The following CDK14 variants were observed in gnomAD, a reference collection of about 807,000 sequenced individuals.
CDK14 encodes the protein cyclin dependent kinase 14.
In CDK14, 34 loss-of-function variants were observed where a neutral mutation model predicts 60.7. The ratio of observed to expected loss-of-function variants is 0.56; its 90% CI spans 0.43 to 0.75. The LOEUF is 0.75. CDK14 is among the 30% of genes least tolerant of loss of function. CDK14 has a pLI of 0.00. For synonymous variants in CDK14, 197 were observed against 203.7 expected (o/e 0.97, Z 0.28); for missense variants, 482 against 564.1 (o/e 0.85, Z 1.47).
intron 4 of CDK14, among the ~76,000 whole-genome samples, chr7:90,761,853 T>C (rs1316405589): frequency 6.6e-6 from 1 of 152,190 alleles, no homozygotes; most frequent in African/African-American, 2.4e-5. Context: ...GTAGTAACTC[T>C]CTACTGTGTT....
chr7:90,932,263 G>T (rs1012554151), intron 8 of CDK14, among the ~76,000 whole-genome samples: 4 of 152,154 alleles, frequency 2.6e-5, no homozygotes, highest in African/African-American at 9.7e-5. Context: ...CTAGCACTTT[G>T]GGAGGCTGAC....
At chr7:90,761,919 T>A (rs1286291897) in intron 4 of CDK14, among the ~76,000 whole-genome samples, 1 of 152,118 alleles carries the variant, frequency 6.6e-6, no homozygotes, top group African/African-American at 2.4e-5. Flanking sequence ...AATTGACAGG[T>A]CCCCTGTTTT....
chr7:90,866,189 A>G (rs7781591), intron 6 of CDK14, among the ~76,000 whole-genome samples: 146,639 of 151,140 alleles, frequency 0.97, 71,151 homozygotes, highest in East Asian at 1. Context: ...TAGTATTGTC[A>G]CATATATGCC....
At chr7:91,108,654 C>T (rs879428) in intron 12 of CDK14, among the ~76,000 whole-genome samples, 11,367 of 152,148 alleles carry the variant, frequency 0.075, 836 homozygotes, top group African/African-American at 0.18. Context: ...AAACAGTGTA[C>T]GTCAGATTTG....
At chr7:90,749,529 C>T (rs1294523663) in intron 4 of CDK14, among the ~76,000 whole-genome samples, 1 of 144,884 alleles carries the variant, frequency 6.9e-6, no homozygotes, top group Non-Finnish European at 1.5e-5. Context: ...TAGGCCTCTG[C>T]TCCACACCCA....
chr7:90,904,440 A>G (rs1792626564), intron 7 of CDK14, among the ~76,000 whole-genome samples: 1 of 152,178 alleles, frequency 6.6e-6, no homozygotes, highest in African/African-American at 2.4e-5. Flanking sequence ...ATGTGGTATT[A>G]TTTTTGAGAA....
intron 2 of CDK14, among the ~76,000 whole-genome samples, chr7:90,707,966 G>A (rs898170177): frequency 6.6e-6 from 1 of 152,144 alleles, no homozygotes; most frequent in Non-Finnish European, 1.5e-5. Context: ...TTTGCTGAAT[G>A]AATAGATGAA....
chr7:90,834,304 C>A (rs75579919), intron 5 of CDK14, among the ~76,000 whole-genome samples: 1 of 152,138 alleles, frequency 6.6e-6, no homozygotes, highest in South Asian at 2.1e-4. Flanking sequence ...AGAACAAAGC[C>A]ATGATTATCA....
chr7:90,822,940 T>A (rs997685316), intron 5 of CDK14, among the ~76,000 whole-genome samples: 1 of 152,170 alleles, frequency 6.6e-6, no homozygotes, highest in Non-Finnish European at 1.5e-5. Flanking sequence ...TGTGCTTCCT[T>A]GTATGTATGT....
intron 2 of CDK14, among the ~76,000 whole-genome samples, chr7:90,725,523 G>A (rs1372155711): frequency 5.3e-5 from 8 of 152,112 alleles, no homozygotes; most frequent in Non-Finnish European, 1.0e-4. Context: ...CAAAAACTTC[G>A]TATTTTTACC....
intron 11 of CDK14, among the ~76,000 whole-genome samples, chr7:91,075,431 A>G (rs1023765024): frequency 3.3e-5 from 5 of 152,250 alleles, no homozygotes; most frequent in Admixed American, 6.5e-5. Context: ...CTTCATGTTA[A>G]AAACTCTCAA....
intron 3 of CDK14, among the ~76,000 whole-genome samples, chr7:90,733,437 C>G (rs1019176601): frequency 2.0e-5 from 3 of 151,036 alleles, no homozygotes; most frequent in Admixed American, 1.3e-4. Context: ...AAGTTTCCTA[C>G]TATTGTTTGG....
intron 12 of CDK14, among the ~76,000 whole-genome samples, chr7:91,089,794 C>T (rs988039880): frequency 6.6e-6 from 1 of 152,112 alleles, no homozygotes; most frequent in Non-Finnish European, 1.5e-5. Context: ...GGGATTACAC[C>T]AGGCTCCATG....
intron 10 of CDK14, among the ~76,000 whole-genome samples, chr7:91,041,888 G>T (rs928275064): frequency 2.0e-5 from 3 of 152,220 alleles, no homozygotes; most frequent in Non-Finnish European, 4.4e-5. Flanking sequence ...TTTACTGGGT[G>T]CATATCTGGT....
chr7:91,102,790 G>C (rs1799181928), intron 12 of CDK14, among the ~76,000 whole-genome samples: 1 of 151,140 alleles, frequency 6.6e-6, no homozygotes, highest in African/African-American at 2.4e-5. Context: ...GGTTCTTTAA[G>C]GACCAGGACC....
intron 2 of CDK14, among the ~76,000 whole-genome samples, chr7:90,646,360 G>A (rs1324332571): frequency 1.3e-5 from 2 of 150,646 alleles, no homozygotes; most frequent in African/African-American, 4.9e-5. Flanking sequence ...GTGCATGTGA[G>A]TATTCTAAGC....
chr7:90,811,747 CA>C (rs1193833090), intron 5 of CDK14, among the ~76,000 whole-genome samples: 1 of 151,980 alleles, frequency 6.6e-6, no homozygotes, highest in African/African-American at 2.4e-5. Flanking sequence ...CCAGAATCTA[CA>C]ATGAACTCAA....
chr7:91,198,046 G>A (rs748481412), intron 14 of CDK14, among the ~76,000 whole-genome samples: 3 of 152,150 alleles, frequency 2.0e-5, no homozygotes, highest in Non-Finnish European at 4.4e-5. Context: ...TCTAGCACCC[G>A]CCACCCTTAG....
Position 90,875,379 on chromosome 7 carries a change from G to C in CDK14, c.639+12110G>C, listed in dbSNP as rs1226037981. On this transcript the variant is annotated intron_variant, in intron 6 of 14. Coordinates refer to ENST00000380050, the MANE Select transcript of CDK14 (RefSeq NM_001287135.2). Reference sequence around the variant, plus strand: ...TCTTTTGTGCATATATCTAGGAGTGGTATTGCTGATCATCTTATAACTCTA... The same window carrying C: ...TCTTTTGTGCATATATCTAGGAGTGCTATTGCTGATCATCTTATAACTCTA... 2.0e-5 allele frequency among the ~76,000 whole-genome samples: 3 copies of C among 152,266 alleles called. No homozygotes were observed. In the East Asian group the frequency reaches 5.8e-4, roughly 29 times the overall value.
Sources: gnomAD v4.1 joint callset for allele counts (sites outside exome capture counted in the v4.1 genomes callset) on GRCh38, gnomAD v4.1.1 for gene constraint, MANE v1.5 for transcripts, NCBI Gene and HGNC (gene_info 2026-07-23, HGNC 2026-07-21) for gene names.